DDX1: variants seen among roughly 807,000 people sequenced by gnomAD.
DDX1 encodes the protein DEAD-box helicase 1.
A neutral mutation model predicts 108.7 loss-of-function variants in DDX1; 28 were observed. The ratio of observed to expected loss-of-function variants is 0.26; its 90% CI spans 0.19 to 0.35. The LOEUF (loss-of-function observed/expected upper bound fraction) is 0.35, where lower values mean the gene tolerates loss of function less well. Ranked by LOEUF, DDX1 falls within the 10% of genes least tolerant of loss-of-function variation. DDX1 has a pLI of 1.00. For missense variants in DDX1, 710 were observed against 884.5 expected (o/e 0.80, Z 2.50); for synonymous variants, 295 against 288.9 (o/e 1.02, Z -0.21).
chr2:15,597,579 TG>T (rs1385829030), intron 5 of DDX1, 108 bp downstream of exon 5: 7 of 701,254 alleles, frequency 1.0e-5, no homozygotes, highest in Non-Finnish European at 1.4e-5. Flanking sequence ...TGTCAGTATC[TG>T]GGGGGTGGTA....
chr2:15,608,699 A>G (rs1665710064), intron 13 of DDX1, among the ~76,000 whole-genome samples: 2 of 100,910 alleles, frequency 2.0e-5, no homozygotes, highest in South Asian at 6.9e-4. Flanking sequence ...AAGTCTCGCT[A>G]TGTTGCCCAG....
At chr2:15,629,570 G>A (rs746074323) in intron 23 of DDX1, 32 bp from the exon 24 acceptor site, 1 of 1,455,784 alleles carries the variant, frequency 6.9e-7, no homozygotes, top group South Asian at 1.2e-5. Flanking sequence ...CTATCTCCAT[G>A]CATGTTAATA....
In DDX1 at chr2:15,628,505, G is replaced by A. The variant is rs201951630; in HGVS notation, c.1747G>A (p.Gly583Ser). 5.6e-5 allele frequency: 91 copies of A among 1,612,706 alleles called. No homozygotes were observed. Among genetic ancestry groups the A allele is most frequent in the Middle Eastern group, 1.6e-4 (1 of 6,072 alleles). The change falls in exon 21 of 26, where the codon GGT (glycine) becomes AGT (serine). Residue 583 changes from glycine (G) to serine (S), a missense_variant. Physicochemically the swap from Gly to Ser is moderately conservative, Grantham distance 56. Transcript: ENST00000233084. Reference protein sequence around the residue: ...DVAARGIDIHGVPYVINVTLP... With the variant: ...DVAARGIDIHSVPYVINVTLP... ...AGCTGCTAGAGGAATTGATATCCAC[G>A]GTGTTCCTTATGGTAAAAAGCAACT...
chr2:15,595,520 C>T lies in DDX1; in HGVS notation c.99C>T (p.Ile33=). 1 of 1,611,362 alleles carries T rather than the reference C, an allele frequency of 6.2e-7. No individual in the cohort carries two copies. Among genetic ancestry groups the T allele is most frequent in the Non-Finnish European group, 8.5e-7 (1 of 1,177,564 alleles). The change falls in exon 3 of 26, where the codon ATC becomes ATT. Residue 33 remains isoleucine (I), a synonymous_variant. Transcript: ENST00000233084. ...LLPTDIQAES[I]PLILGGGDVL... ...CAACTGATATCCAGGCTGAATCTAT[C>T]CCATTGATCTTAGGAGGAGGTGATG...
Position 15,603,845 on chromosome 2 carries a change from A to G in DDX1, c.507A>G (p.Gly169=). Residue 169 remains glycine (G), a synonymous_variant, in exon 9 of 26, where the codon GGA becomes GGG. Coordinates refer to ENST00000233084, the MANE Select transcript of DDX1 (RefSeq NM_004939.3). ...ACAAGTTTGGATTTGGCTTTGGTGG[A>G]ACAGGAAAGAAATCCCATAACAAAC... ...GTDKFGFGFG[G]TGKKSHNKQF... is the part of the protein sequence containing the mutation. The G allele has an allele frequency of 6.2e-7, 1 of 1,612,300 alleles. No homozygotes were observed. The highest frequency in any genetic ancestry group is 8.5e-7 in the Non-Finnish European group (1 of 1,179,098).
chr2:15,626,146 C>G (rs1666098204), intron 19 of DDX1, among the ~76,000 whole-genome samples: 1 of 151,944 alleles, frequency 6.6e-6, no homozygotes, highest in Non-Finnish European at 1.5e-5. Flanking sequence ...CAATATATAC[C>G]AGATTACAGG....
At chr2:15,609,206 G>C (rs1665716517) in intron 13 of DDX1, among the ~76,000 whole-genome samples, 1 of 152,214 alleles carries the variant, frequency 6.6e-6, no homozygotes, top group Non-Finnish European at 1.5e-5. Flanking sequence ...AGTGTGAATT[G>C]ATTTTTGTGC....
At position 15,628,630 on chromosome 2, in the gene DDX1, A is replaced by T; in HGVS notation, c.1760-8A>T. ...CTGGCAATTGTTAATAATGGTTTTT[A>T]TTTATAGTTATAAATGTCACTCTGC... On this transcript the variant is annotated splice_region_variant and splice_polypyrimidine_tract_variant and intron_variant, in intron 21 of 25. Transcript: ENST00000233084. 6.2e-7 allele frequency: 1 copy of T among 1,608,506 alleles called. No homozygotes were observed. Among genetic ancestry groups the T allele is most frequent in the Non-Finnish European group, 8.5e-7 (1 of 1,176,760 alleles).
intron 15 of DDX1, among the ~76,000 whole-genome samples, chr2:15,617,955 T>G (rs964506922): frequency 2.6e-5 from 4 of 152,244 alleles, no homozygotes. Context: ...GGTTTTGGAT[T>G]GCTTATTGTC....
At chr2:15,624,869 A>T (rs1006110001) in intron 19 of DDX1, among the ~76,000 whole-genome samples, 3 of 152,178 alleles carry the variant, frequency 2.0e-5, no homozygotes. Context: ...GAGAATATAA[A>T]ATGGTATGAG....
chr2:15,607,102 G>C (rs774711637), intron 12 of DDX1, 73 bp from the exon 13 acceptor site: 6 of 1,314,010 alleles, frequency 4.6e-6, no homozygotes, highest in Non-Finnish European at 6.4e-6. Context: ...TAGAATATTT[G>C]TCCTAATGTT....
chr2:15,623,990 A>G (rs560368077), intron 19 of DDX1, among the ~76,000 whole-genome samples: 7 of 152,198 alleles, frequency 4.6e-5, no homozygotes, highest in Non-Finnish European at 2.9e-5. Context: ...GAGAAAAATT[A>G]TGGTTAGAAA....
In DDX1 at chr2:15,594,301, T is replaced by C. The variant is rs550337639; in HGVS notation, c.17-844T>C. Among the ~76,000 whole-genome samples the C allele has an allele frequency of 2.7e-3, 406 of 152,270 alleles. 2 individuals are homozygous for C. Among genetic ancestry groups the C allele is most frequent in the African/African-American group, 7.6e-3 (315 of 41,558 alleles). On this transcript the variant is annotated intron_variant, in intron 1 of 25. Transcript: ENST00000233084. The stretch of plus-strand genomic sequence containing the variant: ...TGTTTGATTCTTGTTCTTTTTTTTA[T>C]AGGAATATATATTTTTATGATAAAG...
In DDX1 at chr2:15,592,829, G is replaced by A. The variant is rs185916840; in HGVS notation, c.16+880G>A. On this transcript the variant is annotated intron_variant, in intron 1 of 25. Transcript: ENST00000233084. ...TTAACTTTTTAAGATGACTTCAGAT[G>A]TAGTATTTTATATTTTTTAGTTTTC... Among the ~76,000 whole-genome samples the A allele has an allele frequency of 2.7e-5, 4 of 147,724 alleles. 1 individual carries two copies. Among genetic ancestry groups the A allele is most frequent in the South Asian group, 4.2e-4 (2 of 4,748 alleles).
At position 15,597,455 on chromosome 2, in the gene DDX1, TA is replaced by T; in HGVS notation, c.247del (p.Thr83LeufsTer6). 6.2e-7 allele frequency: 1 copy of T among 1,604,850 alleles called. No individual in the cohort carries two copies. The highest frequency in any genetic ancestry group is 8.5e-7 in the Non-Finnish European group (1 of 1,175,036). ...QEGKKGKTTI[K>X]TGASVLNKWQ... is the part of the protein sequence containing the mutation. ...AAGGCAAAAAAGGAAAAACAACAATTAAAACTGGTGCTTCAGGTAATTTTTG... is the reference window on the plus strand; with the variant it reads ...AAGGCAAAAAAGGAAAAACAACAATTAAACTGGTGCTTCAGGTAATTTTTG... On this transcript the variant is annotated frameshift_variant, in exon 5 of 26. Transcript: ENST00000233084. LOFTEE classifies it high-confidence loss of function.
Position 15,597,343 on chromosome 2 carries a change from A to G in DDX1, c.163-32A>G, listed in dbSNP as rs547467461. ...ATTAAATTGTCGTTAATATGTGAAT[A>G]CTAATATAGATACCTTTTGTTTCTT... On this transcript the variant is annotated intron_variant, in intron 4 of 25. Transcript: ENST00000233084. 1.2e-3 allele frequency: 1,597 copies of G among 1,344,540 alleles called. 23 individuals carry two copies. In the South Asian group the frequency reaches 0.019, roughly 16 times the overall value. The allele number at this position is 1,344,540 out of a possible 1,614,324, so 83.3% of individuals were successfully genotyped here. A position where few individuals can be genotyped will look rare whatever the true frequency, so the allele number is the denominator to read the frequency against.
chr2:15,619,209 C>G (rs1665949808), intron 16 of DDX1, among the ~76,000 whole-genome samples: 1 of 152,196 alleles, frequency 6.6e-6, no homozygotes, highest in African/African-American at 2.4e-5. Context: ...CTCGGCCCAG[C>G]CCCATTGAGG....
chr2:15,630,214 T>C (rs1666170590), intron 25 of DDX1, 104 bp downstream of exon 25: 8 of 1,185,544 alleles, frequency 6.7e-6, no homozygotes, highest in Non-Finnish European at 9.8e-6. Flanking sequence ...TAAGAGTATA[T>C]TTTTAGCGTG....
At position 15,630,070 on chromosome 2, in the gene DDX1, T is replaced by G; in HGVS notation, c.2052T>G (p.Phe684Leu). Residue 684 changes from phenylalanine (F) to leucine (L), a missense_variant, in exon 25 of 26, where the codon TTT (phenylalanine) becomes TTG (leucine). Around this residue, in one of 3 missense-constraint regions of DDX1, gnomAD observed 661 missense variants for 810.2 expected, o/e 0.82. Coordinates refer to ENST00000233084, the MANE Select transcript of DDX1 (RefSeq NM_004939.3). ...EPDIKVPVDE[F>L]DGKVTYGQKR... ...ATATAAAGGTACCAGTGGATGAATTTGATGGGAAAGTTACCTACGGTCAGA... is the reference window on the plus strand; with the variant it reads ...ATATAAAGGTACCAGTGGATGAATTGGATGGGAAAGTTACCTACGGTCAGA... The G allele has an allele frequency of 6.2e-7, 1 of 1,613,772 alleles. No individual in the cohort carries two copies. The highest frequency in any genetic ancestry group is 8.5e-7 in the Non-Finnish European group (1 of 1,179,806).
Sources: gnomAD v4.1 joint callset for allele counts (sites outside exome capture counted in the v4.1 genomes callset) on GRCh38, gnomAD v4.1.1 for gene constraint, gnomAD v4.1.1 regional missense constraint, MANE v1.5 for transcripts, NCBI Gene and HGNC (gene_info 2026-07-23, HGNC 2026-07-21) for gene names.